The following RALGAPA2 variants were observed in gnomAD, a reference collection of about 807,000 sequenced individuals.
The protein encoded by RALGAPA2 is Ral GTPase activating protein catalytic subunit alpha 2, also known as ral GTPase-activating protein subunit alpha-2.
RALGAPA2 carries 139 observed loss-of-function variants against 230.4 expected under a neutral mutation model. The observed-to-expected ratio is 0.60, with a 90% CI of 0.53 to 0.69. The LOEUF is 0.69. Ranked by LOEUF, RALGAPA2 falls within the 30% of genes least tolerant of loss-of-function variation. RALGAPA2 has a pLI of 0.00. For missense variants in RALGAPA2, 2,163 were observed against 2,276.0 expected (o/e 0.95, Z 1.01); for synonymous variants, 847 against 837.8 (o/e 1.01, Z -0.19).
intron 37 of RALGAPA2, among the ~76,000 whole-genome samples, chr20:20,465,135 C>A (rs1336685958): frequency 4.2e-5 from 5 of 120,020 alleles, no homozygotes; most frequent in Non-Finnish European, 8.8e-5. Context: ...CTTCTTCCCT[C>A]CCCCCGCAGG....
chr20:20,613,720 G>C (rs2066044710), intron 13 of RALGAPA2, among the ~76,000 whole-genome samples: 1 of 152,018 alleles, frequency 6.6e-6, no homozygotes, highest in African/African-American at 2.4e-5. Flanking sequence ...TCCCATCAGG[G>C]CTTTTGTATC....
intron 4 of RALGAPA2, among the ~76,000 whole-genome samples, chr20:20,647,971 T>C (rs1032005384): frequency 6.6e-6 from 1 of 152,198 alleles, no homozygotes; most frequent in African/African-American, 2.4e-5. Context: ...CACTGTTACA[T>C]GGTTCAGCCA....
chr20:20,599,269 T>C (rs1458170704), intron 16 of RALGAPA2, among the ~76,000 whole-genome samples: 2 of 152,218 alleles, frequency 1.3e-5, no homozygotes, highest in African/African-American at 2.4e-5. Flanking sequence ...GTAAATTAAA[T>C]ATCCAAAAAG....
At chr20:20,582,334 C>T (rs7354732) in intron 20 of RALGAPA2, among the ~76,000 whole-genome samples, 12,795 of 152,004 alleles carry the variant, frequency 0.084, 778 homozygotes, top group East Asian at 0.16. Flanking sequence ...GGCAAAGAAA[C>T]AAAAGGACAG....
chr20:20,575,986 G>A (rs1206124851), intron 20 of RALGAPA2, among the ~76,000 whole-genome samples: 1 of 151,900 alleles, frequency 6.6e-6, no homozygotes, highest in Non-Finnish European at 1.5e-5. Flanking sequence ...TATAATTTAT[G>A]TCTTTGTTAC....
chr20:20,483,226 A>G (rs2061824066), intron 36 of RALGAPA2, among the ~76,000 whole-genome samples: 2 of 152,258 alleles, frequency 1.3e-5, no homozygotes, highest in Admixed American at 6.5e-5. Flanking sequence ...TGCCCATCAA[A>G]GAATGATGGA....
At chr20:20,657,356 G>C (rs1304723812) in intron 3 of RALGAPA2, among the ~76,000 whole-genome samples, 1 of 152,214 alleles carries the variant, frequency 6.6e-6, no homozygotes, top group Admixed American at 6.5e-5. Flanking sequence ...TATGACCAAG[G>C]ATGGAAAGCC....
intron 16 of RALGAPA2, among the ~76,000 whole-genome samples, chr20:20,599,032 G>A (rs2065551980): frequency 6.6e-6 from 1 of 152,086 alleles, no homozygotes; most frequent in Non-Finnish European, 1.5e-5. Flanking sequence ...AGGACAATGG[G>A]CAATCCACAA....
intron 23 of RALGAPA2, among the ~76,000 whole-genome samples, chr20:20,566,839 T>A (rs1256550643): frequency 6.6e-6 from 1 of 152,344 alleles, no homozygotes; most frequent in Non-Finnish European, 1.5e-5. Context: ...TCTATTACAC[T>A]AGATCTTAAC....
At chr20:20,524,776 C>T in intron 29 of RALGAPA2, 54 bp downstream of exon 29, 1 of 1,419,240 alleles carries the variant, frequency 7.0e-7, no homozygotes, top group South Asian at 1.3e-5. Context: ...TATCATTTTA[C>T]CTTACATTAA....
chr20:20,400,753 T>C (rs1201182950), intron 38 of RALGAPA2, among the ~76,000 whole-genome samples: 1 of 152,116 alleles, frequency 6.6e-6, no homozygotes, highest in East Asian at 1.9e-4. Context: ...AGCAGCAATA[T>C]TCACAGTGAC....
chr20:20,559,802 T>C (rs966102190), intron 23 of RALGAPA2, among the ~76,000 whole-genome samples: 2 of 152,178 alleles, frequency 1.3e-5, no homozygotes, highest in African/African-American at 4.8e-5. Context: ...ATACTTTACC[T>C]TTCGAACAAC....
chr20:20,394,889 C>CAAAAAAAAAA (rs10673778), intron 39 of RALGAPA2, among the ~76,000 whole-genome samples: 3 of 44,644 alleles, frequency 6.7e-5, no homozygotes, highest in African/African-American at 9.2e-5. Context: ...AATAAATAAG[C>CAAAAAAAAAA]AAAAAAAAAA....
chr20:20,557,709 C>A (rs542232438), intron 23 of RALGAPA2, among the ~76,000 whole-genome samples: 1 of 152,114 alleles, frequency 6.6e-6, no homozygotes, highest in African/African-American at 2.4e-5. Context: ...AAAATAAGTA[C>A]GGAAAACACA....
In RALGAPA2 at chr20:20,640,803, G is replaced by C. The variant is rs781108003; in HGVS notation, c.448C>G (p.Leu150Val). 2 of 1,613,692 alleles carry C rather than the reference G, an allele frequency of 1.2e-6. No individual in the cohort carries two copies. Among genetic ancestry groups the C allele is most frequent in the Admixed American group, 3.3e-5 (2 of 60,002 alleles). ...CCAGGCACCAGGCAAGCAAAAATCA[G>C]AACCTGCTCTTCTGCACAGTTTGTC... Reference protein sequence around the residue: ...LQTNCAEEQVLIFACLVPGFP... With the variant: ...LQTNCAEEQVVIFACLVPGFP... Residue 150 changes from leucine to valine, a missense_variant, in exon 6 of 40, where the codon CTG (leucine) becomes GTG (valine). Coordinates refer to ENST00000202677, the MANE Select transcript of RALGAPA2 (RefSeq NM_020343.4).
chr20:20,412,236 T>G, intron 37 of RALGAPA2, 88 bp from the exon 38 acceptor site: 1 of 1,535,422 alleles, frequency 6.5e-7, no homozygotes. Context: ...GTTGTGCAAT[T>G]TTTTCTGTGT....
intron 4 of RALGAPA2, among the ~76,000 whole-genome samples, chr20:20,652,456 T>G (rs529222130): frequency 6.6e-6 from 1 of 152,338 alleles, no homozygotes; most frequent in South Asian, 2.1e-4. Flanking sequence ...ATCTATCCCC[T>G]GACTGGGCAA....
rs866192562 is a variant in RALGAPA2, at chr20:20,458,747, T to C, written c.5495+14082A>G. Among the ~76,000 whole-genome samples the C allele has an allele frequency of 7.7e-4, 91 of 118,588 alleles. 2 individuals carry two copies. The highest frequency in any genetic ancestry group is 1.5e-3 in the Admixed American group (17 of 11,000). The allele number at this position is 118,588 out of a possible 152,430, so 77.8% of individuals were successfully genotyped here. ...ATATATACACACACCTATATATATA[T>C]ACATACACACCTATATATATATAGA... On this transcript the variant is annotated intron_variant, in intron 37 of 39. Transcript: ENST00000202677.
chr20:20,492,146 A>T (rs2062076379), intron 36 of RALGAPA2, among the ~76,000 whole-genome samples: 1 of 152,174 alleles, frequency 6.6e-6, no homozygotes, highest in East Asian at 1.9e-4. Flanking sequence ...GAGTGAATGA[A>T]AGTACAATTT....
Sources: allele counts gnomAD v4.1 joint callset (sites outside exome capture counted in the v4.1 genomes callset), GRCh38; gene constraint gnomAD v4.1.1; transcripts MANE v1.5; gene names NCBI Gene and HGNC (gene_info 2026-07-23, HGNC 2026-07-21).